Variants in GLS observed in about 807,000 individuals in gnomAD.
The protein encoded by GLS is glutaminase, also known as glutaminase kidney isoform, mitochondrial.
In GLS, 36 loss-of-function variants were observed where a neutral mutation model predicts 86.7. The observed-to-expected ratio is 0.42, with a 90% CI of 0.32 to 0.55. The LOEUF (loss-of-function observed/expected upper bound fraction) is 0.55, where lower values mean the gene tolerates loss of function less well. Ranked by LOEUF, GLS falls within the 20% of genes least tolerant of loss-of-function variation. The probability of loss-of-function intolerance (pLI) is 0.17; values close to 1 mark genes in which losing one functional copy is unlikely to be tolerated. For missense variants in GLS, 528 were observed against 833.4 expected, an observed-to-expected ratio of 0.63 and a Z score of 4.51; for synonymous variants, 317 against 305.9, an observed-to-expected ratio of 1.04 and a Z score of -0.38.
chr2:190,923,199 C>G (rs550512647), intron 9 of GLS, among the ~76,000 whole-genome samples: 1 of 152,132 alleles, frequency 6.6e-6, no homozygotes, highest in Non-Finnish European at 1.5e-5. Flanking sequence ...AAATGCAGAT[C>G]TGATTAGGTA....
rs575303760 is a variant in GLS, at chr2:190,908,834, A to G, written c.980-1429A>G. 2.6e-5 allele frequency among the ~76,000 whole-genome samples: 4 copies of G among 152,364 alleles called. No individual in the cohort carries two copies. In the East Asian group the frequency reaches 7.7e-4, roughly 29 times the overall value. ...GAAAATTGGGCTGTCATGCCTTAAA[A>G]TGATTTAGTGTTCTTTAAGACATCT... On this transcript the variant is annotated intron_variant, in intron 6 of 17. Coordinates refer to ENST00000320717, the MANE Select transcript of GLS (RefSeq NM_014905.5).
At chr2:190,911,265 C>A (rs1455673091) in intron 7 of GLS, among the ~76,000 whole-genome samples, 1 of 151,924 alleles carries the variant, frequency 6.6e-6, no homozygotes, top group Non-Finnish European at 1.5e-5. Context: ...ACCCTTGGCC[C>A]AGTTCACAAA....
intron 13 of GLS, among the ~76,000 whole-genome samples, chr2:190,931,229 T>C (rs562751024): frequency 6.6e-6 from 1 of 152,304 alleles, no homozygotes; most frequent in African/African-American, 2.4e-5. Context: ...AGAGTACTTA[T>C]TTATATTTTA....
intron 3 of GLS, among the ~76,000 whole-genome samples, chr2:190,899,327 A>T (rs1238962318): frequency 6.6e-6 from 1 of 152,230 alleles, no homozygotes; most frequent in Non-Finnish European, 1.5e-5. Flanking sequence ...TAATTTTTTT[A>T]ATGTTGTAAT....
rs903163208 is a variant in GLS, at chr2:190,923,946, G to A, written c.1160G>A (p.Arg387Gln). ...TFQSERESGDRNFAIGYYLKE... is the reference protein window; with the variant it reads ...TFQSERESGDQNFAIGYYLKE... ...CAGTCTGAAAGAGAAAGTGGAGATC[G>A]AAATTTTGCAATAGGATATTACTTA... Residue 387 changes from arginine to glutamine, a missense_variant, in exon 10 of 18, where the codon CGA becomes CAA. By Grantham distance (43) the Arg-to-Gln change is conservative (BLOSUM62 1). Around this residue, in one of 4 missense-constraint regions of GLS, gnomAD observed 163 missense variants for 429.2 expected, o/e 0.38. Transcript: ENST00000320717. 1 of 1,567,832 alleles carries A rather than the reference G, an allele frequency of 6.4e-7. No homozygotes were observed.
chr2:190,924,883 C>T lies in GLS; in HGVS notation c.1248+290C>T, dbSNP rs1689849833. 1.1e-5 allele frequency: 3 copies of T among 263,256 alleles called. No individual in the cohort carries two copies. The highest frequency in any genetic ancestry group is 1.5e-5 in the Non-Finnish European group (2 of 137,256). 16.3% of individuals were successfully genotyped at this position (263,256 alleles called of 1,614,324 possible). A position where few individuals can be genotyped will look rare whatever the true frequency, so the allele number is the denominator to read the frequency against. On this transcript the variant is annotated intron_variant, in intron 11 of 17. Transcript: ENST00000320717. The surrounding 1 kb of genome is among the most constrained non-coding windows in gnomAD (Gnocchi z 5.2). ...TGAGCCGAGATCACGCCACTGCATTCCAGCCTGGCGACACAGTGAGACTCC... is the reference window on the plus strand; with the variant it reads ...TGAGCCGAGATCACGCCACTGCATTTCAGCCTGGCGACACAGTGAGACTCC...
intron 1 of GLS, among the ~76,000 whole-genome samples, chr2:190,889,663 A>T (rs925712275): frequency 6.6e-6 from 1 of 152,000 alleles, no homozygotes; most frequent in Non-Finnish European, 1.5e-5. Flanking sequence ...TATAGACTTG[A>T]TCTCCCCAGA....
Position 190,881,321 on chromosome 2 carries a change from C to T in GLS, c.237C>T (p.Ile79=), listed in dbSNP as rs939118837. ...ARGLSSSPSE[I]LQELGKGSTH... is the part of the protein sequence containing the mutation. ...GCCTGTCCAGCTCTCCTTCGGAGATCTTGCAGGAGCTGGGCAAGGGGAGCA... is the reference window on the plus strand; with the variant it reads ...GCCTGTCCAGCTCTCCTTCGGAGATTTTGCAGGAGCTGGGCAAGGGGAGCA... Residue 79 remains isoleucine (I), a synonymous_variant, in exon 1 of 18, where the codon ATC becomes ATT. Transcript: ENST00000320717. 43 of 1,518,760 alleles carry T rather than the reference C, an allele frequency of 2.8e-5. No individual in the cohort carries two copies. The African/African-American group carries it at 5.2e-4, about 18-fold the overall frequency. The allele number at this position is 1,518,760 out of a possible 1,614,324, so 94.1% of individuals were successfully genotyped here.
Position 190,924,620 on chromosome 2 carries a change from A to G in GLS, c.1248+27A>G, listed in dbSNP as rs776532773. 1.6e-6 allele frequency: 2 copies of G among 1,255,284 alleles called. No homozygotes were observed. The highest frequency in any genetic ancestry group is 2.4e-5 in the South Asian group (2 of 83,700). The allele number at this position is 1,255,284 out of a possible 1,614,324, so 77.8% of individuals were successfully genotyped here. A position where few individuals can be genotyped will look rare whatever the true frequency, so the allele number is the denominator to read the frequency against. The stretch of plus-strand genomic sequence containing the variant: ...TAATCTAATTATGTAAATCGTATAT[A>G]TAAATGGATGTGTCGGCTGGGCACG... On this transcript the variant is annotated intron_variant, in intron 11 of 17. Transcript: ENST00000320717. This position sits in a 1 kb window ranked among gnomAD's most constrained non-coding sequence, Gnocchi z 5.2.
Position 190,962,872 on chromosome 2 carries a change from C to T in GLS, c.1896C>T (p.His632=). 6.3e-7 allele frequency: 1 copy of T among 1,596,668 alleles called. No homozygotes were observed. Among genetic ancestry groups the T allele is most frequent in the South Asian group, 1.1e-5 (1 of 87,736 alleles). The change falls in exon 18 of 18, where the codon CAC becomes CAT. Residue 632 remains histidine, a synonymous_variant. Transcript: ENST00000320717. This position sits in a 1 kb window ranked among gnomAD's most constrained non-coding sequence, Gnocchi z 4.2. ...TGGATGAAGCACTGCACTTTGGACA[C>T]CATGATGTATTTAAAATTCTCCAAG... The part of the protein sequence containing the change: ...TPMDEALHFG[H]HDVFKILQEY...
At chr2:190,916,966 T>G (rs546426806) in intron 7 of GLS, among the ~76,000 whole-genome samples, 1 of 152,338 alleles carries the variant, frequency 6.6e-6, no homozygotes, top group African/African-American at 2.4e-5. Flanking sequence ...CTTGTCTTGA[T>G]GTTGATGACT....
At chr2:190,932,658 T>C in intron 14 of GLS, 2 of 1,342,718 alleles carry the variant, frequency 1.5e-6, no homozygotes, top group Non-Finnish European at 2.0e-6. Context: ...ATTTTATAGC[T>C]TGGACCTTTC....
chr2:190,927,621 A>G (rs914992145), intron 12 of GLS, 139 bp downstream of exon 12: 6 of 614,202 alleles, frequency 9.8e-6, no homozygotes, highest in African/African-American at 1.9e-5. Flanking sequence ...TTAATTTGTT[A>G]CAAGATTAGT....
chr2:190,923,850 T>C, intron 9 of GLS, 67 bp from the exon 10 acceptor site: 1 of 969,702 alleles, frequency 1.0e-6, no homozygotes, highest in Non-Finnish European at 1.6e-6. Flanking sequence ...GCTATGCAAA[T>C]GAAATTATGA....
At chr2:190,918,755 T>TA (rs1689631066) in intron 7 of GLS, among the ~76,000 whole-genome samples, 1 of 152,166 alleles carries the variant, frequency 6.6e-6, no homozygotes, top group Non-Finnish European at 1.5e-5. Flanking sequence ...AAGTGAGAGA[T>TA]ATACAACTCT....
At chr2:190,946,597 T>A (rs948697880) in intron 14 of GLS, among the ~76,000 whole-genome samples, 34 of 151,638 alleles carry the variant, frequency 2.2e-4, no homozygotes, top group African/African-American at 8.0e-4. Context: ...AAATTTTGGT[T>A]TGGCAGTTGG....
rs1044597918 is a variant in GLS at position 190,947,048 on chromosome 2, G to A, written c.1651-6517G>A. 6.6e-6 allele frequency among the ~76,000 whole-genome samples: 1 copy of A among 152,188 alleles called. No homozygotes were observed. Among genetic ancestry groups the A allele is most frequent in the African/African-American group, 2.4e-5 (1 of 41,446 alleles). On this transcript the variant is annotated intron_variant, in intron 14 of 17. Transcript: ENST00000320717. This position sits in a 1 kb window ranked among gnomAD's most constrained non-coding sequence, Gnocchi z 5.0. ...AAAAACAACTATAACTGTTTAAAAT[G>A]TTGAATGTTTTAGGGTCATCCACTA...
intron 1 of GLS, among the ~76,000 whole-genome samples, chr2:190,894,348 T>A (rs1467733869): frequency 7.6e-5 from 2 of 26,448 alleles, no homozygotes; most frequent in Non-Finnish European, 3.1e-4. Context: ...TGAATGTACG[T>A]TTTTTTATTT....
chr2:190,888,648 A>G (rs893052166), intron 1 of GLS, among the ~76,000 whole-genome samples: 10 of 152,188 alleles, frequency 6.6e-5, no homozygotes, highest in Non-Finnish European at 1.5e-4. Flanking sequence ...ATAAAACTTT[A>G]TTTACAAAAA....
Sources: allele counts gnomAD v4.1 joint callset (sites outside exome capture counted in the v4.1 genomes callset), GRCh38; gene constraint gnomAD v4.1.1; regional missense constraint gnomAD v4.1.1; non-coding constraint Gnocchi (gnomAD v3.1); transcripts MANE v1.5; gene names NCBI Gene and HGNC (gene_info 2026-07-23, HGNC 2026-07-21).